The following FRMPD4 variants were observed in gnomAD, a reference collection of about 807,000 sequenced individuals.
FRMPD4 encodes FERM and PDZ domain containing 4.
In FRMPD4, 22 loss-of-function variants were observed where a neutral mutation model predicts 94.1. The observed-to-expected ratio is 0.23, with a 90% CI of 0.17 to 0.33. The LOEUF is 0.33. FRMPD4 is among the 10% of genes least tolerant of loss of function. The pLI is 1.00. For synonymous variants in FRMPD4, 631 were observed against 548.6 expected (o/e 1.15, Z -2.10); for missense variants, 1,111 against 1,339.9 (o/e 0.83, Z 2.67).
intron 3 of FRMPD4, among the ~76,000 whole-genome samples, chrX:12,132,827 A>C (rs768150727): frequency 2.7e-5 from 3 of 110,776 alleles, no homozygotes; most frequent in African/African-American, 9.8e-5. Context: ...GTAAGGGTAA[A>C]AAGAAAACAT....
chrX:12,352,851 G>T (rs2055836070), intron 1 of FRMPD4, among the ~76,000 whole-genome samples: 1 of 112,041 alleles, frequency 8.9e-6, no homozygotes, highest in South Asian at 3.7e-4. Flanking sequence ...TGACATGCCT[G>T]TGTTAGTTAG....
chrX:12,399,461 T>C (rs1270830825), intron 1 of FRMPD4, among the ~76,000 whole-genome samples: 2 of 111,658 alleles, frequency 1.8e-5, no homozygotes, highest in Non-Finnish European at 3.8e-5. Flanking sequence ...CCTCATGCAG[T>C]AGAAAATTTG....
At chrX:12,333,584 A>G (rs1441203605) in intron 1 of FRMPD4, among the ~76,000 whole-genome samples, 1 of 112,157 alleles carries the variant, frequency 8.9e-6, no homozygotes, top group Non-Finnish European at 1.9e-5. Context: ...ATTTTACTTT[A>G]TAATTTCTGC....
At chrX:11,880,954 A>G (rs187473885) in intron 3 of FRMPD4, among the ~76,000 whole-genome samples, 1 of 112,486 alleles carries the variant, frequency 8.9e-6, no homozygotes, top group East Asian at 2.8e-4. Flanking sequence ...TGAATTTATT[A>G]TTAGTGGGTT....
Position 12,554,617 on chromosome X carries a change from C to A in FRMPD4, c.159-55104C>A, listed in dbSNP as rs187432390. ...CTGGATCAGAAAGGAAAATTCATAT[C>A]TTTGTTTTTTTTGAGATAGGGTTTC... On this transcript the variant is annotated intron_variant, in intron 2 of 16. Transcript: ENST00000675598. Among the ~76,000 whole-genome samples the A allele has an allele frequency of 3.2e-3, 352 of 111,306 alleles. 2 individuals are homozygous for A. Among genetic ancestry groups the A allele is most frequent in the African/African-American group, 0.011 (341 of 30,664 alleles).
rs756387555 is a variant in FRMPD4 at position 12,618,190 on chromosome X, G to T, written c.422+3309G>T. Among the ~76,000 whole-genome samples the T allele has an allele frequency of 1.2e-4, 13 of 111,747 alleles. No individual in the cohort carries two copies. In the East Asian group the frequency reaches 3.6e-3, roughly 31 times the overall value. ...TCACAATTAGACTAATTAACTGAAA[G>T]CAGTCTCCAAAATTTTATTTTTAAA... On this transcript the variant is annotated intron_variant, in intron 4 of 16. Transcript: ENST00000675598.
At chrX:12,465,577 A>G (rs764718923) in intron 1 of FRMPD4, among the ~76,000 whole-genome samples, 4 of 112,017 alleles carry the variant, frequency 3.6e-5, no homozygotes, top group African/African-American at 1.3e-4. Flanking sequence ...TATGTGCCTC[A>G]AAACAAATGC....
At chrX:12,131,721 A>C (rs909205977) in intron 3 of FRMPD4, among the ~76,000 whole-genome samples, 1 of 112,176 alleles carries the variant, frequency 8.9e-6, no homozygotes, top group African/African-American at 3.2e-5. Flanking sequence ...ATGATGCTAG[A>C]TGAATCCTCA....
chrX:12,704,273 G>A (rs2041838148), intron 10 of FRMPD4, 86 bp from the exon 11 acceptor site: 1 of 720,908 alleles, frequency 1.4e-6, no homozygotes, highest in African/African-American at 2.2e-5. Context: ...GGGTTCATTT[G>A]TTCCAACAAA....
At chrX:12,056,047 T>A (rs1393760142) in intron 3 of FRMPD4, among the ~76,000 whole-genome samples, 1 of 112,065 alleles carries the variant, frequency 8.9e-6, no homozygotes, top group African/African-American at 3.2e-5. Context: ...CTTTATTTTT[T>A]AAATTTTTAC....
intron 3 of FRMPD4, among the ~76,000 whole-genome samples, chrX:12,091,996 G>A (rs1293973292): frequency 9.0e-6 from 1 of 111,455 alleles, no homozygotes; most frequent in Non-Finnish European, 1.9e-5. Context: ...GGCATCTACT[G>A]AGCACCCATT....
intron 4 of FRMPD4, among the ~76,000 whole-genome samples, chrX:12,633,724 T>G (rs1474613899): frequency 8.9e-6 from 1 of 112,505 alleles, no homozygotes; most frequent in Non-Finnish European, 1.9e-5. Context: ...CTCTGAAATT[T>G]GTTTTGATTC....
At chrX:11,891,121 C>G (rs1338817914) in intron 3 of FRMPD4, among the ~76,000 whole-genome samples, 1 of 112,624 alleles carries the variant, frequency 8.9e-6, no homozygotes, top group Non-Finnish European at 1.9e-5. Flanking sequence ...CCTGCCTTCC[C>G]TCAGCTCCTC....
At chrX:12,246,448 A>G (rs1470802209) in intron 1 of FRMPD4, among the ~76,000 whole-genome samples, 1 of 111,567 alleles carries the variant, frequency 9.0e-6, no homozygotes, top group Non-Finnish European at 1.9e-5. Context: ...CTTCATCGAT[A>G]GTCCAGGGTA....
At chrX:12,415,536 G>GT (rs2056789027) in intron 1 of FRMPD4, among the ~76,000 whole-genome samples, 3 of 111,659 alleles carry the variant, frequency 2.7e-5, no homozygotes, top group Admixed American at 9.5e-5. Flanking sequence ...CTCCTTTACT[G>GT]TTTTAGTTTT....
In FRMPD4 at chrX:12,538,991, G is replaced by A. The variant is rs151321565; in HGVS notation, c.158+40195G>A. On this transcript the variant is annotated intron_variant, in intron 2 of 16. Coordinates refer to ENST00000675598, the MANE Select transcript of FRMPD4 (RefSeq NM_001368397.1). ...GCTTCAGATGATCAAACTTCTGCGA[G>A]CTAAAGGAGGAAGTTCAAACCCATC... 1.6e-3 allele frequency among the ~76,000 whole-genome samples: 184 copies of A among 112,059 alleles called. 1 individual carries two copies. The highest frequency in any genetic ancestry group is 0.013 in the East Asian group (46 of 3,557).
intron 4 of FRMPD4, among the ~76,000 whole-genome samples, chrX:12,669,118 C>T (rs1281317687): frequency 9.0e-6 from 1 of 111,708 alleles, no homozygotes; most frequent in Non-Finnish European, 1.9e-5. Flanking sequence ...CATTATGTTA[C>T]ATGAGATTGT....
intron 1 of FRMPD4, among the ~76,000 whole-genome samples, chrX:12,429,933 G>A (rs2056992919): frequency 8.9e-6 from 1 of 111,904 alleles, no homozygotes; most frequent in African/African-American, 3.3e-5. Flanking sequence ...TCTCCTTTCT[G>A]GAGGACACGG....
chrX:12,429,858 G>C (rs186661259), intron 1 of FRMPD4, among the ~76,000 whole-genome samples: 52 of 111,808 alleles, frequency 4.7e-4, no homozygotes, highest in African/African-American at 1.6e-3. Flanking sequence ...CCTTATAAAA[G>C]AGGCTTCAGG....
Sources: gnomAD v4.1 joint callset for allele counts (sites outside exome capture counted in the v4.1 genomes callset) on GRCh38, gnomAD v4.1.1 for gene constraint, MANE v1.5 for transcripts, NCBI Gene and HGNC (gene_info 2026-07-23, HGNC 2026-07-21) for gene names.